SLCO5A1: variants seen among roughly 807,000 people sequenced by gnomAD.
SLCO5A1 encodes organic anion transporter polypeptide-related protein 4.
SLCO5A1 carries 39 observed loss-of-function variants against 65.1 expected under a neutral mutation model. The ratio of observed to expected loss-of-function variants is 0.60; its 90% CI spans 0.46 to 0.78. The LOEUF is 0.78. SLCO5A1 is among the 30% of genes least tolerant of loss of function. The pLI, the probability that SLCO5A1 is intolerant of heterozygous loss-of-function variation, is 0.00. For synonymous variants in SLCO5A1, 438 were observed against 415.7 expected (o/e 1.05, Z -0.65); for missense variants, 1,029 against 1,069.4 (o/e 0.96, Z 0.53).
chr8:69,777,631 A>T, intron 2 of SLCO5A1, among the ~76,000 whole-genome samples: 1 of 152,146 alleles, frequency 6.6e-6, no homozygotes, highest in East Asian at 1.9e-4. Flanking sequence ...GAAATCAACA[A>T]TTCTTAAGTT....
intron 4 of SLCO5A1, among the ~76,000 whole-genome samples, chr8:69,751,297 A>G (rs1397997664): frequency 6.6e-6 from 1 of 152,178 alleles, no homozygotes; most frequent in Non-Finnish European, 1.5e-5. Context: ...TATTGGTAAG[A>G]TTTTTGATGG....
intron 2 of SLCO5A1, among the ~76,000 whole-genome samples, chr8:69,788,624 T>G (rs1366643249): frequency 6.6e-6 from 1 of 152,144 alleles, no homozygotes; most frequent in Non-Finnish European, 1.5e-5. Context: ...TAATCACCCC[T>G]CATATCTCCA....
At chr8:69,704,052 A>C (rs1179694954) in intron 6 of SLCO5A1, among the ~76,000 whole-genome samples, 1 of 152,026 alleles carries the variant, frequency 6.6e-6, no homozygotes, top group East Asian at 1.9e-4. Context: ...AATGCCACAA[A>C]TCAGGGCTTT....
At chr8:69,685,965 C>G (rs1813980589) in intron 6 of SLCO5A1, among the ~76,000 whole-genome samples, 1 of 152,138 alleles carries the variant, frequency 6.6e-6, no homozygotes, top group Non-Finnish European at 1.5e-5. Flanking sequence ...TGTAAGAACA[C>G]AGTGGCCCTC....
chr8:69,672,795 A>G lies in SLCO5A1; in HGVS notation c.*74T>C. Reference sequence around the variant, plus strand: ...GAGGTTAAAAAAAAGAAAGAAAGAAAAGAAGGCACAGTTGTTTCTCAAGTC... The same window carrying G: ...GAGGTTAAAAAAAAGAAAGAAAGAAGAGAAGGCACAGTTGTTTCTCAAGTC... On this transcript the variant is annotated 3_prime_UTR_variant, in exon 10 of 10. Transcript: ENST00000260126. 6.8e-7 allele frequency: 1 copy of G among 1,472,652 alleles called. No homozygotes were observed. Among genetic ancestry groups the G allele is most frequent in the Non-Finnish European group, 9.1e-7 (1 of 1,098,980 alleles). 91.2% of individuals were successfully genotyped at this position (1,472,652 alleles called of 1,614,324 possible). A position where few individuals can be genotyped will look rare whatever the true frequency, so the allele number is the denominator to read the frequency against.
At chr8:69,805,135 T>C (rs913853785) in intron 2 of SLCO5A1, among the ~76,000 whole-genome samples, 1 of 151,852 alleles carries the variant, frequency 6.6e-6, no homozygotes, top group Non-Finnish European at 1.5e-5. Context: ...CCATTCTCCA[T>C]TGAAGCAGAA....
intron 7 of SLCO5A1, among the ~76,000 whole-genome samples, chr8:69,679,957 C>T (rs1813698766): frequency 6.6e-6 from 1 of 152,090 alleles, no homozygotes; most frequent in Admixed American, 6.6e-5. Flanking sequence ...TAGAGAAGCC[C>T]CTCAAAAAAC....
intron 6 of SLCO5A1, among the ~76,000 whole-genome samples, chr8:69,703,671 G>A (rs1215827716): frequency 3.9e-5 from 6 of 152,234 alleles, no homozygotes; most frequent in African/African-American, 1.4e-4. Flanking sequence ...ATTGCCTGAG[G>A]TTAAGTCTTG....
At chr8:69,678,475 CT>C (rs1053744171) in intron 8 of SLCO5A1, among the ~76,000 whole-genome samples, 6 of 152,300 alleles carry the variant, frequency 3.9e-5, no homozygotes, top group Admixed American at 2.0e-4. Context: ...AAATTAATCA[CT>C]TATGTCTTTA....
In SLCO5A1 at chr8:69,682,282, T is replaced by C. The variant is rs1362575491; in HGVS notation, c.1684A>G (p.Lys562Glu). The change falls in exon 7 of 10, where the codon AAA (lysine) becomes GAA (glutamate). Residue 562 changes from lysine to glutamate, a missense_variant. Physicochemically the swap from Lys to Glu is moderately conservative, Grantham distance 56 (BLOSUM62 1). This residue lies in a region of SLCO5A1 where 124 missense variants were observed against 184.5 expected (regional missense o/e 0.67). Coordinates refer to ENST00000260126, the MANE Select transcript of SLCO5A1 (RefSeq NM_030958.3). The stretch of plus-strand genomic sequence containing the variant: ...CAGACTGGCTCATACTCGTGTATTT[T>C]ACAACCACAATTAACGTTGCAGCTT... ...TGSCNVNCGC[K>E]IHEYEPVCGS... is the part of the protein sequence containing the mutation. 1 of 1,612,338 alleles carries C rather than the reference T, an allele frequency of 6.2e-7. No individual in the cohort carries two copies. Among genetic ancestry groups the C allele is most frequent in the East Asian group, 2.2e-5 (1 of 44,780 alleles).
intron 5 of SLCO5A1, among the ~76,000 whole-genome samples, chr8:69,708,336 A>G (rs1314328641): frequency 6.6e-6 from 1 of 152,180 alleles, no homozygotes; most frequent in Non-Finnish European, 1.5e-5. Flanking sequence ...TAGCCTTAGA[A>G]TGAAGATTAC....
chr8:69,806,940 C>A (rs1820018107), intron 2 of SLCO5A1, among the ~76,000 whole-genome samples: 1 of 152,200 alleles, frequency 6.6e-6, no homozygotes, highest in Non-Finnish European at 1.5e-5. Flanking sequence ...AGATTCAATG[C>A]TATTCCTATC....
rs1816634937 is a variant in SLCO5A1, at chr8:69,738,057, T to C, written c.1406A>G (p.Asn469Ser). ...TGCCTTACCAGTGTAGATGCTGGCA[T>C]TGGAGGCTGGGATACCAAACTGTGA... ...IESQFGIPAS[N>S]ASIYTGVIIV... Residue 469 changes from asparagine (N) to serine (S), a missense_variant, in exon 5 of 10, where the codon AAT (asparagine) becomes AGT (serine). This residue lies in a region of SLCO5A1 where 647 missense variants were observed against 647.5 expected (regional missense o/e 1.00). Coordinates refer to ENST00000260126, the MANE Select transcript of SLCO5A1 (RefSeq NM_030958.3). 1 of 1,611,250 alleles carries C rather than the reference T, an allele frequency of 6.2e-7. No homozygotes were observed. The highest frequency in any genetic ancestry group is 8.5e-7 in the Non-Finnish European group (1 of 1,178,620).
At chr8:69,751,955 G>A (rs1817322577) in intron 4 of SLCO5A1, among the ~76,000 whole-genome samples, 1 of 152,190 alleles carries the variant, frequency 6.6e-6, no homozygotes, top group Non-Finnish European at 1.5e-5. Context: ...AAAAAGCCAA[G>A]CGTGGTGGCT....
intron 2 of SLCO5A1, among the ~76,000 whole-genome samples, chr8:69,783,688 TAATC>T (rs1327698613): frequency 6.6e-6 from 1 of 152,150 alleles, no homozygotes; most frequent in Non-Finnish European, 1.5e-5. Flanking sequence ...CCCTAATCAT[TAATC>T]AATCAGTAGT....
chr8:69,786,057 A>G (rs1038037158), intron 2 of SLCO5A1, among the ~76,000 whole-genome samples: 3 of 152,236 alleles, frequency 2.0e-5, no homozygotes, highest in Non-Finnish European at 4.4e-5. Context: ...GTTATAGAGC[A>G]TTAATTCTGA....
At chr8:69,762,463 G>C (rs1390356201) in intron 2 of SLCO5A1, among the ~76,000 whole-genome samples, 1 of 152,012 alleles carries the variant, frequency 6.6e-6, no homozygotes, top group East Asian at 1.9e-4. Flanking sequence ...TGGGATTACA[G>C]GCATGAGCCA....
chr8:69,727,620 C>T (rs1029321668), intron 5 of SLCO5A1, among the ~76,000 whole-genome samples: 3 of 152,214 alleles, frequency 2.0e-5, no homozygotes, highest in African/African-American at 7.2e-5. Context: ...TAATGCCATG[C>T]CTGGCTCAGA....
At chr8:69,778,565 A>G (rs1038570000) in intron 2 of SLCO5A1, among the ~76,000 whole-genome samples, 1 of 152,220 alleles carries the variant, frequency 6.6e-6, no homozygotes, top group Non-Finnish European at 1.5e-5. Flanking sequence ...TTTCCTTATA[A>G]CTTTTCATAT....
Sources: gnomAD v4.1 joint callset for allele counts (sites outside exome capture counted in the v4.1 genomes callset) on GRCh38, gnomAD v4.1.1 for gene constraint, gnomAD v4.1.1 regional missense constraint, MANE v1.5 for transcripts, NCBI Gene and HGNC (gene_info 2026-07-23, HGNC 2026-07-21) for gene names.